CMSS1: variants seen among roughly 807,000 people sequenced by gnomAD.
The protein encoded by CMSS1 is cms1 ribosomal small subunit homolog, also known as protein CMSS1.
In CMSS1, 33 loss-of-function variants were observed where a neutral mutation model predicts 43.5. The observed-to-expected ratio is 0.76, with a 90% CI of 0.57 to 1.01. CMSS1 has a LOEUF of 1.01. CMSS1 is among the 50% of genes least tolerant of loss of function. The probability of loss-of-function intolerance (pLI) is 0.00; values close to 1 mark genes in which losing one functional copy is unlikely to be tolerated. For synonymous variants in CMSS1, 115 were observed against 117.2 expected (o/e 0.98, Z 0.12); for missense variants, 313 against 326.4 (o/e 0.96, Z 0.32).
chr3:99,938,423 G>A (rs934936638), intron 1 of CMSS1, among the ~76,000 whole-genome samples: 6 of 152,160 alleles, frequency 3.9e-5, no homozygotes, highest in South Asian at 2.1e-4. Context: ...TGCATAACAC[G>A]GAGTGAGTCT....
chr3:99,976,536 T>C (rs995359456), intron 1 of CMSS1, among the ~76,000 whole-genome samples: 5 of 152,206 alleles, frequency 3.3e-5, no homozygotes, highest in Non-Finnish European at 7.4e-5. Flanking sequence ...CCAGTGGTTT[T>C]TCTTTCACCA....
chr3:99,913,462 G>A (rs1203639724), intron 1 of CMSS1, among the ~76,000 whole-genome samples: 1 of 152,134 alleles, frequency 6.6e-6, no homozygotes, highest in Admixed American at 6.5e-5. Context: ...AAAGTAAGAG[G>A]CATTTGAAGT....
chr3:99,936,177 A>G (rs964896759), intron 1 of CMSS1, among the ~76,000 whole-genome samples: 2 of 152,066 alleles, frequency 1.3e-5, no homozygotes, highest in African/African-American at 2.4e-5. Flanking sequence ...CAAAAAAGAA[A>G]TCATTTTTGG....
intron 1 of CMSS1, among the ~76,000 whole-genome samples, chr3:99,956,269 A>G (rs1708316686): frequency 6.6e-6 from 1 of 151,652 alleles, no homozygotes; most frequent in Non-Finnish European, 1.5e-5. Flanking sequence ...TGCCCCCAAC[A>G]CCTCTTCACA....
At chr3:99,855,951 G>A (rs762233411) in intron 1 of CMSS1, among the ~76,000 whole-genome samples, 2 of 152,160 alleles carry the variant, frequency 1.3e-5, no homozygotes, top group Non-Finnish European at 2.9e-5. Flanking sequence ...TCAACCTAAC[G>A]AAATCTGTAA....
intron 1 of CMSS1, among the ~76,000 whole-genome samples, chr3:100,080,577 C>T (rs1343539421): frequency 2.0e-5 from 3 of 152,168 alleles, no homozygotes; most frequent in Non-Finnish European, 2.9e-5. Context: ...AGATTTTCTC[C>T]TGCCAGTCTC....
rs371193874 is a variant in CMSS1 at position 99,853,874 on chromosome 3, C to T, written c.64+35831C>T. Among the ~76,000 whole-genome samples the T allele has an allele frequency of 1.1e-4, 16 of 152,242 alleles. No individual in the cohort carries two copies. The East Asian group carries it at 1.7e-3, about 17-fold the overall frequency. Reference sequence around the variant, plus strand: ...GAATTTATATGCAGAAAAAACTATACCCATAGCCATCAACTTGGGAGCTCA... The same window carrying T: ...GAATTTATATGCAGAAAAAACTATATCCATAGCCATCAACTTGGGAGCTCA... On this transcript the variant is annotated intron_variant, in intron 1 of 9. Transcript: ENST00000421999.
At chr3:99,905,759 C>A (rs1162206527) in intron 1 of CMSS1, among the ~76,000 whole-genome samples, 1 of 152,170 alleles carries the variant, frequency 6.6e-6, no homozygotes, top group African/African-American at 2.4e-5. Flanking sequence ...TAGATTAATT[C>A]TGTCTGTTTT....
intron 1 of CMSS1, chr3:100,041,421 A>G (rs2065203389): frequency 6.6e-6 from 1 of 152,116 alleles, no homozygotes; most frequent in African/African-American, 2.4e-5. Flanking sequence ...GTTCCTTTCC[A>G]CACTGAGCTT....
At chr3:99,932,580 G>T (rs1044510081) in intron 1 of CMSS1, among the ~76,000 whole-genome samples, 7 of 151,982 alleles carry the variant, frequency 4.6e-5, no homozygotes, top group African/African-American at 7.3e-5. Context: ...CAAATCAGCT[G>T]TGGAACTTGA....
At chr3:99,932,974 T>C (rs1559693872) in intron 1 of CMSS1, among the ~76,000 whole-genome samples, 1 of 152,216 alleles carries the variant, frequency 6.6e-6, no homozygotes, top group Non-Finnish European at 1.5e-5. Flanking sequence ...CTAAGCATTC[T>C]TCTCAGCATT....
chr3:100,108,369 G>A lies in CMSS1; in HGVS notation c.65-38604G>A, dbSNP rs187994129. On this transcript the variant is annotated intron_variant, in intron 1 of 9. Transcript: ENST00000421999. ...CAGCCTCTCATTATTGAGCACTTAT[G>A]TGTCACTAACTGTGCTTATTACTTA... 2.4e-4 allele frequency among the ~76,000 whole-genome samples: 36 copies of A among 152,224 alleles called. 1 individual carries two copies. Among genetic ancestry groups the A allele is most frequent in the Middle Eastern group, 3.4e-3 (1 of 294 alleles).
At chr3:99,843,015 C>A (rs1943203379) in intron 1 of CMSS1, among the ~76,000 whole-genome samples, 1 of 152,194 alleles carries the variant, frequency 6.6e-6, no homozygotes. Context: ...AAGGGTCCAT[C>A]TGCTGGAAAG....
intron 1 of CMSS1, among the ~76,000 whole-genome samples, chr3:99,914,418 GT>G: frequency 1.3e-5 from 2 of 152,268 alleles, no homozygotes; most frequent in South Asian, 4.1e-4. Flanking sequence ...CTTTAAGTGT[GT>G]TTTTGATATG....
chr3:99,834,531 C>A (rs1376597444), intron 1 of CMSS1, among the ~76,000 whole-genome samples: 1 of 152,176 alleles, frequency 6.6e-6, no homozygotes, highest in Admixed American at 6.5e-5. Context: ...TGTGTCAGAC[C>A]AAGCATCAGA....
intron 1 of CMSS1, among the ~76,000 whole-genome samples, chr3:100,011,458 C>T (rs1383808564): frequency 2.0e-5 from 3 of 152,120 alleles, no homozygotes; most frequent in Non-Finnish European, 4.4e-5. Flanking sequence ...AGTTAGATGC[C>T]ATCTTCCTCC....
At chr3:99,892,314 A>G (rs17338576) in intron 1 of CMSS1, among the ~76,000 whole-genome samples, 1,762 of 152,306 alleles carry the variant, frequency 0.012, 19 homozygotes, top group African/African-American at 0.026. Flanking sequence ...TAAACTATTG[A>G]CCTTCACTGA....
At position 100,009,559 on chromosome 3, in the gene CMSS1, CT is replaced by C. The variant is rs1046968328; in HGVS notation, c.65-137413del. Reference sequence around the variant, plus strand: ...GAGCCTTTTCACTTGATAGACCAAGCTCTTAATTTCCCCAGGTTGTTAATCT... The same window carrying C: ...GAGCCTTTTCACTTGATAGACCAAGCCTTAATTTCCCCAGGTTGTTAATCT... On this transcript the variant is annotated intron_variant, in intron 1 of 9. Coordinates refer to ENST00000421999, the MANE Select transcript of CMSS1 (RefSeq NM_032359.4). 4.9e-4 allele frequency among the ~76,000 whole-genome samples: 74 copies of C among 152,142 alleles called. 3 individuals are homozygous for C. Among genetic ancestry groups the C allele is most frequent in the Non-Finnish European group, 5.9e-5 (4 of 68,034 alleles).
intron 1 of CMSS1, among the ~76,000 whole-genome samples, chr3:99,917,565 G>T (rs945285543): frequency 2.0e-5 from 3 of 152,016 alleles, no homozygotes; most frequent in African/African-American, 7.3e-5. Context: ...TCAAAGCATT[G>T]GTCTAGATTG....
Sources: gnomAD v4.1 joint callset for allele counts (sites outside exome capture counted in the v4.1 genomes callset) on GRCh38, gnomAD v4.1.1 for gene constraint, MANE v1.5 for transcripts, NCBI Gene and HGNC (gene_info 2026-07-23, HGNC 2026-07-21) for gene names.